TOX: variants seen among roughly 807,000 people sequenced by gnomAD.
TOX encodes thymocyte selection-associated high mobility group box protein TOX.
A neutral mutation model predicts 53.7 loss-of-function variants in TOX; 11 were observed. The observed-to-expected ratio is 0.20, with a 90% CI of 0.13 to 0.34. The LOEUF (loss-of-function observed/expected upper bound fraction) is 0.34, where lower values mean the gene tolerates loss of function less well. Ranked by LOEUF, TOX falls within the 10% of genes least tolerant of loss-of-function variation. TOX has a pLI of 1.00. For missense variants in TOX, 570 were observed against 664.6 expected (o/e 0.86, Z 1.56); for synonymous variants, 225 against 245.3 (o/e 0.92, Z 0.77).
chr8:58,901,130 C>T (rs1811728756), intron 3 of TOX, among the ~76,000 whole-genome samples: 1 of 152,044 alleles, frequency 6.6e-6, no homozygotes, highest in Non-Finnish European at 1.5e-5. Flanking sequence ...GGTGACTTTG[C>T]TTTGAATAAA....
intron 1 of TOX, among the ~76,000 whole-genome samples, chr8:59,062,003 C>T (rs2129422007): frequency 6.6e-6 from 1 of 152,212 alleles, no homozygotes; most frequent in Admixed American, 6.5e-5. Context: ...ATTTACTTGT[C>T]CTAAACATTC....
At position 58,851,857 on chromosome 8, in the gene TOX, A is replaced by G. The variant is rs766252672; in HGVS notation, c.412-52T>C. 7 of 1,254,950 alleles carry G rather than the reference A, an allele frequency of 5.6e-6. No homozygotes were observed. The highest frequency in any genetic ancestry group is 3.2e-5 in the South Asian group (1 of 31,686). The allele number at this position is 1,254,950 out of a possible 1,614,324, so 77.7% of individuals were successfully genotyped here. The stretch of plus-strand genomic sequence containing the variant: ...TAAATAAATAAATAAATAGGAAAGG[A>G]GTAATTTTAACAAATATGTTTTGGG... On this transcript the variant is annotated intron_variant, in intron 3 of 8. Transcript: ENST00000361421. The surrounding 1 kb of genome is among the most constrained non-coding windows in gnomAD (Gnocchi z 4.4).
chr8:58,815,448 G>C lies in TOX; in HGVS notation c.1282C>G (p.His428Asp). Residue 428 changes from histidine to aspartate, a missense_variant, in exon 7 of 9, where the codon CAC (histidine) becomes GAC (aspartate). His to Asp is a moderately conservative substitution (Grantham distance 81, BLOSUM62 -1). Transcript: ENST00000361421. ...PPPLQISPPL[H>D]QHLNMQQHQP... ...TGCTGCTGCATGTTGAGATGCTGGTGAAGAGGCGGGCTGATCTGGAGGGGA... is the reference window on the plus strand; with the variant it reads ...TGCTGCTGCATGTTGAGATGCTGGTCAAGAGGCGGGCTGATCTGGAGGGGA... 2 of 1,614,150 alleles carry C rather than the reference G, an allele frequency of 1.2e-6. No homozygotes were observed. Among genetic ancestry groups the C allele is most frequent in the Non-Finnish European group, 1.7e-6 (2 of 1,180,014 alleles).
At chr8:58,932,471 T>C (rs1342115978) in intron 3 of TOX, among the ~76,000 whole-genome samples, 2 of 152,216 alleles carry the variant, frequency 1.3e-5, no homozygotes, top group Non-Finnish European at 2.9e-5. Context: ...ACTTGTATTA[T>C]TCCACCATTA....
intron 1 of TOX, among the ~76,000 whole-genome samples, chr8:58,995,732 A>G (rs1441187876): frequency 6.6e-6 from 1 of 152,246 alleles, no homozygotes; most frequent in African/African-American, 2.4e-5. Context: ...ATCCCTTCAT[A>G]TGCTGGTCGT....
chr8:58,961,173 A>G (rs1212722712), intron 1 of TOX, among the ~76,000 whole-genome samples: 3 of 152,206 alleles, frequency 2.0e-5, no homozygotes, highest in Non-Finnish European at 4.4e-5. Flanking sequence ...AGGTTATACC[A>G]ACATGAGGGT....
At chr8:58,995,852 C>A (rs951867058) in intron 1 of TOX, among the ~76,000 whole-genome samples, 2 of 152,112 alleles carry the variant, frequency 1.3e-5, no homozygotes, top group Non-Finnish European at 2.9e-5. Flanking sequence ...TACTTTGTGC[C>A]ATTTCAAAAC....
intron 1 of TOX, among the ~76,000 whole-genome samples, chr8:59,072,516 A>C (rs1157957225): frequency 6.6e-6 from 1 of 152,222 alleles, no homozygotes; most frequent in Admixed American, 6.5e-5. Flanking sequence ...AGGGAAATAC[A>C]CAAATTATGC....
At chr8:58,839,942 C>T (rs1810616105) in intron 4 of TOX, among the ~76,000 whole-genome samples, 1 of 152,136 alleles carries the variant, frequency 6.6e-6, no homozygotes, top group Non-Finnish European at 1.5e-5. Flanking sequence ...TTCTCCGGGC[C>T]TCTGTTTCCT....
At chr8:59,046,794 G>T (rs368526309) in intron 1 of TOX, among the ~76,000 whole-genome samples, 9 of 144,866 alleles carry the variant, frequency 6.2e-5, no homozygotes, top group Admixed American at 3.6e-4. Context: ...GGGAGGCAGA[G>T]GTTGCAGTAA....
At chr8:58,874,372 T>A (rs1811250995) in intron 3 of TOX, among the ~76,000 whole-genome samples, 1 of 151,952 alleles carries the variant, frequency 6.6e-6, no homozygotes, top group African/African-American at 2.4e-5. Flanking sequence ...TGTGTGTGGG[T>A]AGACAGTGGT....
chr8:58,900,286 G>A (rs1585889227), intron 3 of TOX, among the ~76,000 whole-genome samples: 1 of 151,856 alleles, frequency 6.6e-6, no homozygotes, highest in East Asian at 1.9e-4. Context: ...TATACAAAAT[G>A]GCTTTTTAAA....
chr8:58,933,568 G>C (rs1231675358), intron 3 of TOX, among the ~76,000 whole-genome samples: 3 of 151,430 alleles, frequency 2.0e-5, no homozygotes, highest in Non-Finnish European at 2.9e-5. Flanking sequence ...AACTTTGAAG[G>C]GGGGTGGGGG....
rs1804945693 is a variant in TOX, at chr8:59,108,157, T to C, written c.102+10729A>G. Among the ~76,000 whole-genome samples, 3 of 152,332 alleles carry C rather than the reference T, an allele frequency of 2.0e-5. No individual in the cohort carries two copies. In the South Asian group the frequency reaches 6.2e-4, roughly 32 times the overall value. On this transcript the variant is annotated intron_variant, in intron 1 of 8. Transcript: ENST00000361421. ...CCACTGACGAATAATGTGTACACTT[T>C]TACAGAGCTTAAACCTTAATGCTTT...
intron 1 of TOX, among the ~76,000 whole-genome samples, chr8:59,085,979 C>CTTTTTTTTTTTTTTTTTTTTT (rs35593177): frequency 9.0e-5 from 8 of 88,830 alleles, no homozygotes; most frequent in Non-Finnish European, 1.3e-4. Flanking sequence ...CTTTTCTTTT[C>CTTTTTTTTTTTTTTTTTTTTT]TTTTTTTTTT....
intron 5 of TOX, among the ~76,000 whole-genome samples, chr8:58,837,352 T>A (rs1810564050): frequency 6.6e-6 from 1 of 152,210 alleles, no homozygotes. Context: ...GCCATCTAGT[T>A]CCTGGTTTAG....
intron 1 of TOX, among the ~76,000 whole-genome samples, chr8:59,082,172 TG>T (rs939684995): frequency 6.6e-6 from 1 of 152,238 alleles, no homozygotes; most frequent in African/African-American, 2.4e-5. Flanking sequence ...ACTCTTTATT[TG>T]TCTGGTTTAG....
chr8:58,870,110 C>A lies in TOX; in HGVS notation c.412-18305G>T, dbSNP rs1205172782. ...CAATGCAAGAAAATAAAGGGTTGAA[C>A]AGATCGGAAAGGAAGAAATAAGACC... On this transcript the variant is annotated intron_variant, in intron 3 of 8. Coordinates refer to ENST00000361421, the MANE Select transcript of TOX (RefSeq NM_014729.3). 4.6e-5 allele frequency among the ~76,000 whole-genome samples: 7 copies of A among 151,732 alleles called. No individual in the cohort carries two copies. The South Asian group carries it at 1.0e-3, about 23-fold the overall frequency.
At chr8:58,871,038 C>T (rs761697654) in intron 3 of TOX, among the ~76,000 whole-genome samples, 3 of 151,924 alleles carry the variant, frequency 2.0e-5, no homozygotes, top group African/African-American at 2.4e-5. Context: ...TCCTTCAATA[C>T]GTAAATGGAT....
Sources: allele counts gnomAD v4.1 joint callset (sites outside exome capture counted in the v4.1 genomes callset), GRCh38; gene constraint gnomAD v4.1.1; non-coding constraint Gnocchi (gnomAD v3.1); transcripts MANE v1.5; gene names NCBI Gene and HGNC (gene_info 2026-07-23, HGNC 2026-07-21).